Variants in CAMK1D observed in about 807,000 individuals in gnomAD.
CAMK1D encodes calcium/calmodulin dependent protein kinase ID.
A neutral mutation model predicts 47.7 loss-of-function variants in CAMK1D; 9 were observed. The observed-to-expected ratio is 0.19, with a 90% confidence interval of 0.11 to 0.33. The LOEUF is 0.33. Ranked by LOEUF, CAMK1D falls within the 10% of genes least tolerant of loss-of-function variation. The pLI is 1.00. For missense variants in CAMK1D, 291 were observed against 488.7 expected, an observed-to-expected ratio of 0.60 and a Z score of 3.81; for synonymous variants, 184 against 184.9, an observed-to-expected ratio of 0.99 and a Z score of 0.04.
At position 12,526,897 on chromosome 10, in the gene CAMK1D, C is replaced by CAAA. The variant is rs202209844; in HGVS notation, c.93-26314_93-26312dup. 6.4e-3 allele frequency among the ~76,000 whole-genome samples: 825 copies of CAAA among 129,812 alleles called. 21 individuals are homozygous for CAAA. The highest frequency in any genetic ancestry group is 0.02 in the African/African-American group (674 of 33,456). The allele number at this position is 129,812 out of a possible 152,430, so 85.2% of individuals were successfully genotyped here. ...CATATCATTGAGCAAAACCCTATCT[C>CAAA]AAAAAAAAAAAAAAAATCAGAACCT... On this transcript the variant is annotated intron_variant, in intron 1 of 10. Transcript: ENST00000619168.
intron 1 of CAMK1D, among the ~76,000 whole-genome samples, chr10:12,372,413 C>T (rs537826125): frequency 2.4e-4 from 36 of 152,292 alleles, no homozygotes; most frequent in African/African-American, 8.4e-4. Context: ...GGGATTTGAA[C>T]GTCAGTAAAG....
At chr10:12,692,364 A>G (rs1246792625) in intron 3 of CAMK1D, among the ~76,000 whole-genome samples, 9 of 152,226 alleles carry the variant, frequency 5.9e-5, no homozygotes, top group Non-Finnish European at 1.0e-4. Flanking sequence ...TATGTTAGGG[A>G]AAATATTTCA....
At chr10:12,602,448 A>G (rs977165416) in intron 2 of CAMK1D, among the ~76,000 whole-genome samples, 9 of 152,150 alleles carry the variant, frequency 5.9e-5, no homozygotes, top group African/African-American at 1.9e-4. Flanking sequence ...TCCAACCCTG[A>G]AAAGATGCAA....
At chr10:12,530,967 G>A (rs1437537359) in intron 1 of CAMK1D, among the ~76,000 whole-genome samples, 1 of 151,602 alleles carries the variant, frequency 6.6e-6, no homozygotes, top group African/African-American at 2.4e-5. Flanking sequence ...TGAGGCAGGA[G>A]AATTGTTTGA....
chr10:12,439,740 C>T lies in CAMK1D; in HGVS notation c.92+89830C>T, dbSNP rs1444987723. 3.3e-5 allele frequency among the ~76,000 whole-genome samples: 5 copies of T among 152,208 alleles called. 1 individual carries two copies. The highest frequency in any genetic ancestry group is 3.3e-4 in the Admixed American group (5 of 15,284). On this transcript the variant is annotated intron_variant, in intron 1 of 10. Coordinates refer to ENST00000619168, the MANE Select transcript of CAMK1D (RefSeq NM_153498.4). ...ATAAAATGGGAAAGACCTTAGTGGC[C>T]TAGAGTTTTCATATTAGTCCGTTTT...
intron 3 of CAMK1D, among the ~76,000 whole-genome samples, chr10:12,730,313 G>A (rs897378054): frequency 1.3e-4 from 20 of 152,268 alleles, no homozygotes; most frequent in Middle Eastern, 3.4e-3. Flanking sequence ...CAAGATTTTT[G>A]CCCAAAGCAC....
At chr10:12,773,616 G>A (rs1027438941) in intron 5 of CAMK1D, among the ~76,000 whole-genome samples, 2 of 152,230 alleles carry the variant, frequency 1.3e-5, no homozygotes, top group Non-Finnish European at 2.9e-5. Context: ...ATATGGGCCG[G>A]GGGCGGTGGC....
intron 1 of CAMK1D, among the ~76,000 whole-genome samples, chr10:12,517,047 ATTTCT>A (rs1442448460): frequency 2.6e-5 from 4 of 152,038 alleles, no homozygotes; most frequent in Non-Finnish European, 4.4e-5. Flanking sequence ...GTTTTCTTTG[ATTTCT>A]TTAATCAATG....
At chr10:12,704,564 A>T (rs1833658193) in intron 3 of CAMK1D, among the ~76,000 whole-genome samples, 1 of 152,206 alleles carries the variant, frequency 6.6e-6, no homozygotes, top group African/African-American at 2.4e-5. Flanking sequence ...AAAAGAGGAA[A>T]AAAAAAAAGA....
intron 3 of CAMK1D, among the ~76,000 whole-genome samples, chr10:12,752,050 C>G (rs192039547): frequency 6.6e-6 from 1 of 151,600 alleles, no homozygotes; most frequent in African/African-American, 2.4e-5. Flanking sequence ...GGCGCAATCT[C>G]GGCTCACCAC....
intron 1 of CAMK1D, among the ~76,000 whole-genome samples, chr10:12,485,323 C>T (rs45532736): frequency 1.6e-3 from 250 of 152,250 alleles, no homozygotes; most frequent in Non-Finnish European, 2.5e-3. Flanking sequence ...AGTGGTGGCT[C>T]CTGGGATGGT....
chr10:12,473,714 C>T (rs186547800), intron 1 of CAMK1D, among the ~76,000 whole-genome samples: 47 of 152,296 alleles, frequency 3.1e-4, no homozygotes, highest in Admixed American at 1.7e-3. Flanking sequence ...CGCCCAGCTG[C>T]TGCTCTCACA....
At chr10:12,811,599 A>T (rs1832609088) in intron 6 of CAMK1D, among the ~76,000 whole-genome samples, 1 of 152,256 alleles carries the variant, frequency 6.6e-6, no homozygotes, top group Non-Finnish European at 1.5e-5. Context: ...AAGAAAAAAG[A>T]GCTAAGACCA....
intron 3 of CAMK1D, among the ~76,000 whole-genome samples, chr10:12,750,023 C>G (rs1835874812): frequency 6.6e-6 from 1 of 152,220 alleles, no homozygotes; most frequent in Non-Finnish European, 1.5e-5. Flanking sequence ...GAACGTCTGG[C>G]AGCTGGTCTG....
intron 2 of CAMK1D, chr10:12,653,178 A>G (rs7896283): frequency 0.44 from 67,737 of 154,004 alleles, 15,467 homozygotes; most frequent in Non-Finnish European, 0.47. Context: ...CTTCCTCTTA[A>G]AAAACCACCA....
At position 12,361,073 on chromosome 10, in the gene CAMK1D, G is replaced by C. The variant is rs190285837; in HGVS notation, c.92+11163G>C. On this transcript the variant is annotated intron_variant, in intron 1 of 10. Transcript: ENST00000619168. Reference sequence around the variant, plus strand: ...TTTGCATATAAGTTGGGGACATCCTGTATGTGGCAATAACGTACAAGAATT... The same window carrying C: ...TTTGCATATAAGTTGGGGACATCCTCTATGTGGCAATAACGTACAAGAATT... 4.3e-4 allele frequency among the ~76,000 whole-genome samples: 66 copies of C among 152,300 alleles called. No homozygotes were observed. In the South Asian group the frequency reaches 0.011, roughly 26 times the overall value.
intron 3 of CAMK1D, among the ~76,000 whole-genome samples, chr10:12,717,557 GC>G (rs748426976): frequency 6.6e-6 from 1 of 151,432 alleles, no homozygotes; most frequent in Non-Finnish European, 1.5e-5. Flanking sequence ...ATTTTGACCA[GC>G]CCAGGCAACA....
intron 5 of CAMK1D, among the ~76,000 whole-genome samples, chr10:12,783,541 G>A (rs1444807755): frequency 6.6e-6 from 1 of 152,088 alleles, no homozygotes; most frequent in East Asian, 1.9e-4. Context: ...CGTCCTTGGG[G>A]CTCGGGAAAG....
intron 1 of CAMK1D, among the ~76,000 whole-genome samples, chr10:12,359,902 G>C (rs1394007030): frequency 6.6e-6 from 1 of 152,114 alleles, no homozygotes; most frequent in African/African-American, 2.4e-5. Flanking sequence ...CCCTTTTGGG[G>C]GATTTTTGCA....
Sources: allele counts gnomAD v4.1 joint callset (sites outside exome capture counted in the v4.1 genomes callset), GRCh38; gene constraint gnomAD v4.1.1; transcripts MANE v1.5; gene names NCBI Gene and HGNC (gene_info 2026-07-23, HGNC 2026-07-21).